Variants in GDPD2 observed in about 807,000 individuals in gnomAD.
GDPD2 encodes the protein glycerophosphodiester phosphodiesterase 3.
GDPD2 carries 23 observed loss-of-function variants against 49.2 expected under a neutral mutation model. The ratio of observed to expected loss-of-function variants is 0.47; its 90% confidence interval spans 0.34 to 0.66. The LOEUF (loss-of-function observed/expected upper bound fraction) is 0.66, where lower values mean the gene tolerates loss of function less well. Ranked by LOEUF, GDPD2 falls within the 30% of genes least tolerant of loss-of-function variation. The pLI is 0.01. For synonymous variants in GDPD2, 167 were observed against 171.4 expected (o/e 0.97, Z 0.20); for missense variants, 338 against 424.7 (o/e 0.80, Z 1.79).
intron 14 of GDPD2, 84 bp from the exon 15 acceptor site, chrX:70,432,828 G>T: frequency 1.2e-6 from 1 of 816,269 alleles, no homozygotes; most frequent in Non-Finnish European, 1.9e-6. Flanking sequence ...TGTAGGAAAG[G>T]CAGTTGGGGG....
At position 70,433,334 on chromosome X, in the gene GDPD2, T is replaced by C; in HGVS notation, c.*248T>C. On this transcript the variant is annotated 3_prime_UTR_variant, in exon 16 of 16. Coordinates refer to ENST00000374382, the MANE Select transcript of GDPD2 (RefSeq NM_017711.4). ...AAGAGAGTGAGTAATGAGAAGTTTC[T>C]CCTCAAATGAAACTAGAACAGAGGA... is the stretch of plus-strand genomic sequence containing the variant. The C allele has an allele frequency of 2.4e-6, 1 of 414,479 alleles. No homozygotes were observed. The highest frequency in any genetic ancestry group is 4.2e-6 in the Non-Finnish European group (1 of 238,747). The allele number at this position is 414,479 out of a possible 1,213,427, so 34.2% of individuals were successfully genotyped here. A position where few individuals can be genotyped will look rare whatever the true frequency, so the allele number is the denominator to read the frequency against.
In GDPD2 at chrX:70,427,184, C is replaced by A; in HGVS notation, c.750C>A (p.Cys250Ter). Residue 250 changes from cysteine to a stop codon, truncating the protein, a stop_gained, in exon 9 of 16, where the codon TGC (cysteine) becomes TGA (stop). Transcript: ENST00000374382. LOFTEE classifies it high-confidence loss of function. The part of the protein sequence containing the change: ...TLMSLRKTAE[C>*]GATVFETDVM... ...TGTCCTTGCGGAAGACAGCTGAATG[C>A]GGAGCTACTGTGTTTGAGACTGATG... The A allele has an allele frequency of 8.3e-7, 1 of 1,206,931 alleles. No homozygotes were observed. Among genetic ancestry groups the A allele is most frequent in the Non-Finnish European group, 1.1e-6 (1 of 891,405 alleles).
intron 11 of GDPD2, 64 bp from the exon 12 acceptor site, chrX:70,429,851 C>T (rs2086459456): frequency 1.7e-6 from 2 of 1,170,406 alleles, no homozygotes; most frequent in Non-Finnish European, 2.3e-6. Flanking sequence ...CTGTTTGCCC[C>T]TGTCCCTGCC....
Position 70,427,016 on chromosome X carries a change from G to A in GDPD2, c.702+5G>A, listed in dbSNP as rs1290220224. On this transcript the variant is annotated splice_donor_5th_base_variant and intron_variant, in intron 8 of 15. Transcript: ENST00000374382. ...GGACACCGAGGGGCCCCCATGGTGA[G>A]TGTTGGACAGAATGCTGGGAGGGTG... 2 of 1,194,210 alleles carry A rather than the reference G, an allele frequency of 1.7e-6. No individual in the cohort carries two copies. Among genetic ancestry groups the A allele is most frequent in the South Asian group, 3.5e-5 (2 of 56,574 alleles).
chrX:70,427,334 C>T lies in GDPD2; in HGVS notation c.807C>T (p.Leu269=). 2 of 1,210,771 alleles carry T rather than the reference C, an allele frequency of 1.7e-6. No homozygotes were observed. The highest frequency in any genetic ancestry group is 2.2e-6 in the Non-Finnish European group (2 of 894,697). Residue 269 remains leucine, a synonymous_variant, in exon 10 of 16, where the codon CTC becomes CTT. Coordinates refer to ENST00000374382, the MANE Select transcript of GDPD2 (RefSeq NM_017711.4). ...VMVSSDGVPF[L]MHDEHLSRTT... ...TCAGCTCCGATGGGGTCCCCTTCCT[C>T]ATGCATGATGAGCACCTCAGCAGGA...
chrX:70,426,140 AG>A lies in GDPD2; in HGVS notation c.363+34del, dbSNP rs1375227157. The A allele has an allele frequency of 3.6e-6, 4 of 1,117,290 alleles. No homozygotes were observed. In the East Asian group the frequency reaches 9.0e-5, roughly 25 times the overall value. The allele number at this position is 1,117,290 out of a possible 1,213,427, so 92.1% of individuals were successfully genotyped here. On this transcript the variant is annotated intron_variant, in intron 5 of 15. Coordinates refer to ENST00000374382, the MANE Select transcript of GDPD2 (RefSeq NM_017711.4). ...CAGTAGGGATGGGAGTGCATGGGAGAGGGGGCCACTGGGCTCAGCACTTGGC... is the reference window on the plus strand; with the variant it reads ...CAGTAGGGATGGGAGTGCATGGGAGAGGGGCCACTGGGCTCAGCACTTGGC...
Position 70,426,424 on chromosome X carries a change from C to T in GDPD2, c.417C>T (p.Asp139=), listed in dbSNP as rs2086424786. 1 of 1,211,460 alleles carries T rather than the reference C, an allele frequency of 8.3e-7. No individual in the cohort carries two copies. Among genetic ancestry groups the T allele is most frequent in the South Asian group, 1.8e-5 (1 of 56,920 alleles). The change falls in exon 6 of 16, where the codon GAC becomes GAT. Residue 139 remains aspartate (D), a synonymous_variant. Transcript: ENST00000374382. ...TGGCGGCTGGCCTTGTGGGACTGGA[C>T]ATCCAATGGCAGCAGGAGTGGCATA... ...LLVAAGLVGL[D]IQWQQEWHSL... is the part of the protein sequence containing the mutation.
At position 70,433,011 on chromosome X, in the gene GDPD2, C is replaced by T. The variant is rs1296564070; in HGVS notation, c.1568-23C>T. 7 of 1,177,239 alleles carry T rather than the reference C, an allele frequency of 5.9e-6. No homozygotes were observed. In the African/African-American group the frequency reaches 1.2e-4, roughly 21 times the overall value. ...TCCCCTTGCTTAACTCCCTAGATGA[C>T]CCACCCTCCCCCTCCTCCCCAGGCT... On this transcript the variant is annotated intron_variant, in intron 15 of 15. Coordinates refer to ENST00000374382, the MANE Select transcript of GDPD2 (RefSeq NM_017711.4).
chrX:70,425,061 G>A lies in GDPD2; in HGVS notation c.77G>A (p.Cys26Tyr), dbSNP rs1481219830. ...CTGTATAGCTGCCACTGGAGGAAAT[G>A]CCCCAGAGAGAGGATGCAAACCAGC... ...HCLYSCHWRK[C>Y]PRERMQTSKC... The change falls in exon 2 of 16, where the codon TGC (cysteine) becomes TAC (tyrosine). Residue 26 changes from cysteine to tyrosine, a missense_variant. Transcript: ENST00000374382. The A allele has an allele frequency of 1.7e-6, 2 of 1,194,242 alleles. No homozygotes were observed. The highest frequency in any genetic ancestry group is 3.5e-5 in the African/African-American group (2 of 57,077).
At chrX:70,428,698 T>G (rs2086448477) in intron 10 of GDPD2, among the ~76,000 whole-genome samples, 2 of 112,500 alleles carry the variant, frequency 1.8e-5, no homozygotes, top group Non-Finnish European at 3.8e-5. Context: ...TGCCTCAATT[T>G]TCTCATTTGT....
chrX:70,427,069 C>T, intron 8 of GDPD2, 58 bp downstream of exon 8: 3 of 1,180,832 alleles, frequency 2.5e-6, no homozygotes, highest in Non-Finnish European at 3.5e-6. Flanking sequence ...TGCACCATAG[C>T]GACCAGGCCT....
chrX:70,427,033 G>A (rs773062883), intron 8 of GDPD2, 22 bp downstream of exon 8: 25 of 1,191,640 alleles, frequency 2.1e-5, no homozygotes, highest in Non-Finnish European at 2.8e-5. Context: ...ACAGAATGCT[G>A]GGAGGGTGGG....
rs747608548 is a variant in GDPD2, at chrX:70,431,084, C to G, written c.1307+1021C>G. 26 of 1,138,237 alleles carry G rather than the reference C, an allele frequency of 2.3e-5. No individual in the cohort carries two copies. The East Asian group carries it at 2.3e-4, about 10-fold the overall frequency. 93.8% of individuals were successfully genotyped at this position (1,138,237 alleles called of 1,213,427 possible). On this transcript the variant is annotated intron_variant, in intron 12 of 15. Transcript: ENST00000374382. ...ATTACAGGCCTGAGCCACTGCCCCC[C>G]TCAGCCTCCCGGTTATAAGCATGAG...
Position 70,433,373 on chromosome X carries a change from T to C in GDPD2, c.*287T>C. On this transcript the variant is annotated 3_prime_UTR_variant, in exon 16 of 16. Coordinates refer to ENST00000374382, the MANE Select transcript of GDPD2 (RefSeq NM_017711.4). ...TAGAACAGAGGAAGTAAAAGGGAGA[T>C]TGCTCGGATAATGTCTCAGACTTGT... The C allele has an allele frequency of 2.7e-6, 1 of 375,981 alleles. No individual in the cohort carries two copies. The allele number at this position is 375,981 out of a possible 1,213,427, so 31.0% of individuals were successfully genotyped here.
intron 10 of GDPD2, among the ~76,000 whole-genome samples, chrX:70,428,155 T>C (rs1189888759): frequency 9.0e-6 from 1 of 111,665 alleles, no homozygotes. Flanking sequence ...TTCCACTTAA[T>C]GATTTTTTTA....
At chrX:70,429,438 G>C in intron 10 of GDPD2, 55 bp from the exon 11 acceptor site, 1 of 757,857 alleles carries the variant, frequency 1.3e-6, no homozygotes, top group Non-Finnish European at 2.0e-6. Flanking sequence ...TAGTGAGGAT[G>C]GGGGCAAGGC....
rs764143616 is a variant in GDPD2, at chrX:70,426,417, G to A, written c.410G>A (p.Gly137Glu). ...CTGCTTGTGGCGGCTGGCCTTGTGG[G>A]ACTGGACATCCAATGGCAGCAGGAG... ...IMLLVAAGLV[G>E]LDIQWQQEWH... The change falls in exon 6 of 16, where the codon GGA becomes GAA. Residue 137 changes from glycine to glutamate, a missense_variant. Transcript: ENST00000374382. 15 of 1,210,421 alleles carry A rather than the reference G, an allele frequency of 1.2e-5. No homozygotes were observed. The East Asian group carries it at 2.4e-4, about 19-fold the overall frequency.
chrX:70,425,238 C>T (rs905656844), intron 2 of GDPD2, 116 bp from the exon 3 acceptor site: 3 of 658,350 alleles, frequency 4.6e-6, no homozygotes, highest in Middle Eastern at 3.1e-4. Flanking sequence ...GAAAGAGCTG[C>T]CCCCCGAGCA....
At chrX:70,431,180 T>G in intron 12 of GDPD2, 1 of 971,404 alleles carries the variant, frequency 1.0e-6, no homozygotes, top group Admixed American at 2.6e-5. Flanking sequence ...GACATAGGGT[T>G]TGGTTCTCAC....
Sources: allele counts gnomAD v4.1 joint callset (sites outside exome capture counted in the v4.1 genomes callset), GRCh38; gene constraint gnomAD v4.1.1; transcripts MANE v1.5; gene names NCBI Gene and HGNC (gene_info 2026-07-23, HGNC 2026-07-21).